The following SLC35F3 variants were observed in gnomAD, a reference collection of about 807,000 sequenced individuals.
SLC35F3 encodes putative thiamine transporter SLC35F3.
In SLC35F3, 25 loss-of-function variants were observed where a neutral mutation model predicts 49.9. That is an observed-to-expected ratio of 0.50 (90% CI 0.37 to 0.70). SLC35F3 has a LOEUF of 0.70. Among genes scored for constraint, SLC35F3 ranks in the 30% least tolerant of loss-of-function variants. SLC35F3 has a pLI of 0.00. For missense variants in SLC35F3, 525 were observed against 639.8 expected (o/e 0.82, Z 1.94); for synonymous variants, 275 against 265.4 (o/e 1.04, Z -0.35).
chr1:233,930,536 C>G (rs1273314554), intron 2 of SLC35F3, among the ~76,000 whole-genome samples: 2 of 152,074 alleles, frequency 1.3e-5, no homozygotes. Context: ...GAAAAAAGGC[C>G]TTATCTCAAC....
intron 2 of SLC35F3, among the ~76,000 whole-genome samples, chr1:234,199,118 C>T (rs1443686587): frequency 1.3e-5 from 2 of 151,636 alleles, no homozygotes; most frequent in Non-Finnish European, 2.9e-5. Flanking sequence ...GTCCCAGCTA[C>T]TCTGGAGGCT....
rs781705870 is a variant in SLC35F3, at chr1:233,934,715, G to GATACCACTGAAAA, written c.283+28965_283+28966insGAAAAATACCACT. ...TACTGGCATGTAAGTGATTTTTTCA[G>GATACCACTGAAAA]ATACCACTATACAGGAGATCTTATT... On this transcript the variant is annotated intron_variant, in intron 2 of 7. Coordinates refer to ENST00000366618, the MANE Select transcript of SLC35F3 (RefSeq NM_173508.4). Among the ~76,000 whole-genome samples the GATACCACTGAAAA allele has an allele frequency of 7.4e-4, 112 of 152,032 alleles. 1 individual carries two copies. The highest frequency in any genetic ancestry group is 1.2e-3 in the Non-Finnish European group (80 of 67,976).
rs1357018576 is a variant in SLC35F3, at chr1:234,323,015, T to C, written c.1245T>C (p.Asp415=). The C allele has an allele frequency of 6.2e-7, 1 of 1,613,714 alleles. No homozygotes were observed. Among genetic ancestry groups the C allele is most frequent in the African/African-American group, 1.3e-5 (1 of 75,022 alleles). ...VLSIPVNAVI[D]HYTSQIVFNG... is the part of the protein sequence containing the mutation. ...ATGCTCTGTCTCCCACAGTGATTGATCACTACACCAGTCAGATCGTCTTCA... is the reference window on the plus strand; with the variant it reads ...ATGCTCTGTCTCCCACAGTGATTGACCACTACACCAGTCAGATCGTCTTCA... Residue 415 remains aspartate, a synonymous_variant, in exon 8 of 8, where the codon GAT becomes GAC. Coordinates refer to ENST00000366618, the MANE Select transcript of SLC35F3 (RefSeq NM_173508.4). This position sits in a 1 kb window ranked among gnomAD's most constrained non-coding sequence, Gnocchi z 4.5.
intron 2 of SLC35F3, among the ~76,000 whole-genome samples, chr1:233,990,237 A>G (rs1466073039): frequency 1.3e-5 from 2 of 152,154 alleles, no homozygotes; most frequent in African/African-American, 4.8e-5. Flanking sequence ...AATTTACGTA[A>G]AAGTGACTCA....
At chr1:233,936,535 C>T (rs1339091727) in intron 2 of SLC35F3, among the ~76,000 whole-genome samples, 1 of 145,862 alleles carries the variant, frequency 6.9e-6, no homozygotes, top group Non-Finnish European at 1.5e-5. Flanking sequence ...CCTCCTCCTT[C>T]TTCCTCCTCC....
chr1:234,141,123 C>T (rs1665908232), intron 2 of SLC35F3, among the ~76,000 whole-genome samples: 1 of 152,176 alleles, frequency 6.6e-6, no homozygotes, highest in South Asian at 2.1e-4. Flanking sequence ...GACAGTCAGC[C>T]TCTTCTTGTT....
At chr1:234,201,069 C>T (rs1666894169) in intron 2 of SLC35F3, among the ~76,000 whole-genome samples, 1 of 152,160 alleles carries the variant, frequency 6.6e-6, no homozygotes, top group Non-Finnish European at 1.5e-5. Flanking sequence ...CATCTCTAGC[C>T]ATAACCCACA....
chr1:233,938,858 T>C (rs953690175), intron 2 of SLC35F3, among the ~76,000 whole-genome samples: 2 of 152,092 alleles, frequency 1.3e-5, no homozygotes, highest in Non-Finnish European at 2.9e-5. Context: ...AAGGAAAAAC[T>C]TATCAGAAAG....
At chr1:234,039,746 A>G (rs1664193485) in intron 2 of SLC35F3, among the ~76,000 whole-genome samples, 1 of 152,178 alleles carries the variant, frequency 6.6e-6, no homozygotes, top group South Asian at 2.1e-4. Flanking sequence ...GAGAGTGAGT[A>G]GGAGAGGGAC....
chr1:234,265,285 A>C (rs1667963008), intron 3 of SLC35F3, among the ~76,000 whole-genome samples: 1 of 152,106 alleles, frequency 6.6e-6, no homozygotes, highest in Non-Finnish European at 1.5e-5. Flanking sequence ...CCATTCTTGC[A>C]GTTGCACAGG....
chr1:234,197,913 C>T (rs1396012909), intron 2 of SLC35F3, among the ~76,000 whole-genome samples: 1 of 152,240 alleles, frequency 6.6e-6, no homozygotes, highest in Non-Finnish European at 1.5e-5. Flanking sequence ...ACAACACCTA[C>T]ATTTTTTATT....
At chr1:234,280,230 CCCAAAACGAGGGGGCCTA>C (rs1275078770) in intron 3 of SLC35F3, among the ~76,000 whole-genome samples, 3 of 152,236 alleles carry the variant, frequency 2.0e-5, no homozygotes, top group African/African-American at 7.2e-5. Context: ...CATGGCTTCC[CCCAAAACGAGGGGGCCTA>C]CCAAATCATT....
chr1:233,955,868 G>A (rs1490636418), intron 2 of SLC35F3, among the ~76,000 whole-genome samples: 1 of 143,898 alleles, frequency 6.9e-6, no homozygotes, highest in Admixed American at 7.0e-5. Flanking sequence ...AGCAGAGGAG[G>A]TGTGGGTATC....
At chr1:234,103,455 C>A (rs1665241743) in intron 2 of SLC35F3, among the ~76,000 whole-genome samples, 1 of 152,338 alleles carries the variant, frequency 6.6e-6, no homozygotes, top group African/African-American at 2.4e-5. Flanking sequence ...TTCTCCAAAA[C>A]CCTGCCTGCT....
chr1:234,111,181 A>C (rs906637667), intron 2 of SLC35F3, among the ~76,000 whole-genome samples: 9 of 152,320 alleles, frequency 5.9e-5, no homozygotes, highest in African/African-American at 1.9e-4. Flanking sequence ...TAAAAAAATA[A>C]AATTTTAATT....
intron 2 of SLC35F3, among the ~76,000 whole-genome samples, chr1:234,068,218 T>C (rs1024189309): frequency 1.3e-5 from 2 of 152,222 alleles, no homozygotes; most frequent in African/African-American, 4.8e-5. Flanking sequence ...GTTAAGAAAG[T>C]GACTGTAAAC....
At chr1:233,925,498 T>C (rs1440058928) in intron 2 of SLC35F3, among the ~76,000 whole-genome samples, 1 of 152,228 alleles carries the variant, frequency 6.6e-6, no homozygotes, top group Non-Finnish European at 1.5e-5. Context: ...TAGATCTTCC[T>C]CCATCCCTTT....
intron 2 of SLC35F3, chr1:234,212,655 C>T (rs1293567884): frequency 6.6e-6 from 1 of 152,120 alleles, no homozygotes; most frequent in African/African-American, 2.4e-5. Flanking sequence ...AAACAGTTAA[C>T]ATAAATAATA....
intron 2 of SLC35F3, among the ~76,000 whole-genome samples, chr1:234,109,017 G>C (rs139657259): frequency 2.0e-5 from 3 of 151,838 alleles, no homozygotes; most frequent in Non-Finnish European, 4.4e-5. Context: ...CCAATCTCAG[G>C]GAGTGGAGTA....
Sources: gnomAD v4.1 joint callset for allele counts (sites outside exome capture counted in the v4.1 genomes callset) on GRCh38, gnomAD v4.1.1 for gene constraint, Gnocchi (gnomAD v3.1) non-coding constraint, MANE v1.5 for transcripts, NCBI Gene and HGNC (gene_info 2026-07-23, HGNC 2026-07-21) for gene names.